PCNA: variants seen among roughly 807,000 people sequenced by gnomAD.
The protein encoded by PCNA is proliferating cell nuclear antigen.
Under a neutral mutation model 27.8 loss-of-function variants are expected in PCNA, and 4 were observed. That is an observed-to-expected ratio of 0.14 (90% CI 0.07 to 0.33). The LOEUF is 0.33. PCNA is among the 10% of genes least tolerant of loss of function. The probability of loss-of-function intolerance (pLI) is 1.00; values close to 1 mark genes in which losing one functional copy is unlikely to be tolerated. For synonymous variants in PCNA, 121 were observed against 119.4 expected, an observed-to-expected ratio of 1.01 and a Z score of -0.09; for missense variants, 165 against 327.4, an observed-to-expected ratio of 0.50 and a Z score of 3.83.
chr20:5,115,590 C>A lies in PCNA; in HGVS notation c.583-18G>T, dbSNP rs772334886. 2 of 1,605,892 alleles carry A rather than the reference C, an allele frequency of 1.2e-6. No homozygotes were observed. Among genetic ancestry groups the A allele is most frequent in the South Asian group, 2.2e-5 (2 of 89,916 alleles). On this transcript the variant is annotated intron_variant, in intron 4 of 5. Transcript: ENST00000379143. The stretch of plus-strand genomic sequence containing the variant: ...ATGGTAACCTACAAAACAAAAGATT[C>A]ATCATTGAAAAACATCAAGAAAGTT...
chr20:5,125,645 A>G (rs891916620), intron 1 of PCNA, among the ~76,000 whole-genome samples: 7 of 152,196 alleles, frequency 4.6e-5, no homozygotes, highest in Non-Finnish European at 2.9e-5. Context: ...AGTGAATAGA[A>G]AGAACAGGAA....
intron 3 of PCNA, among the ~76,000 whole-genome samples, chr20:5,118,246 T>A (rs1430539931): frequency 6.6e-6 from 1 of 152,208 alleles, no homozygotes; most frequent in Non-Finnish European, 1.5e-5. Flanking sequence ...TAGATATATT[T>A]CTAGAAAAAG....
intron 3 of PCNA, among the ~76,000 whole-genome samples, chr20:5,117,882 C>T (rs557843091): frequency 1.3e-5 from 2 of 152,344 alleles, no homozygotes; most frequent in African/African-American, 4.8e-5. Context: ...TCCTCATCCT[C>T]CAGGGATAAA....
chr20:5,116,115 A>AACATTTAT (rs2090473103), intron 4 of PCNA, among the ~76,000 whole-genome samples: 3 of 152,208 alleles, frequency 2.0e-5, no homozygotes, highest in African/African-American at 7.2e-5. Context: ...GGAAAACTTA[A>AACATTTAT]TAAATGATCT....
At chr20:5,124,724 C>A (rs966691472), upstream of PCNA, among the ~76,000 whole-genome samples, 2 of 152,152 alleles carry the variant, frequency 1.3e-5, no homozygotes, top group Non-Finnish European at 2.9e-5. Context: ...ATTAGCATCA[C>A]TTCCACCAGA....
chr20:5,119,850 C>G lies in PCNA; in HGVS notation c.-52G>C. ...ACAGGCAGGCGGGAAGGAGGAAAGT[C>G]TAGCTGGTTTCGGCTTCAGGAGCCT... On this transcript the variant is annotated 5_prime_UTR_variant, in exon 1 of 6. Coordinates refer to ENST00000379143, the MANE Select transcript of PCNA (RefSeq NM_182649.2). The G allele has an allele frequency of 1.4e-6, 2 of 1,450,502 alleles. No individual in the cohort carries two copies. Among genetic ancestry groups the G allele is most frequent in the Admixed American group, 3.9e-5 (2 of 50,752 alleles). 89.9% of individuals were successfully genotyped at this position (1,450,502 alleles called of 1,614,324 possible).
intron 4 of PCNA, 152 bp downstream of exon 4, chr20:5,117,318 A>G: frequency 1.6e-6 from 1 of 621,680 alleles, no homozygotes; most frequent in South Asian, 2.1e-5. Flanking sequence ...ATTGGATGAC[A>G]CTTATAAATC....
chr20:5,125,573 A>G (rs551535291), intron 1 of PCNA, among the ~76,000 whole-genome samples: 53 of 152,296 alleles, frequency 3.5e-4, no homozygotes, highest in Middle Eastern at 3.4e-3. Context: ...TCTCATTGTG[A>G]GATTACAGTA....
At position 5,119,842 on chromosome 20, in the gene PCNA, A is replaced by T. The variant is rs1223912047; in HGVS notation, c.-44T>A. 1 of 1,473,972 alleles carries T rather than the reference A, an allele frequency of 6.8e-7. No individual in the cohort carries two copies. The highest frequency in any genetic ancestry group is 2.5e-5 in the East Asian group (1 of 40,600). The allele number at this position is 1,473,972 out of a possible 1,614,324, so 91.3% of individuals were successfully genotyped here. On this transcript the variant is annotated 5_prime_UTR_variant, in exon 1 of 6. Coordinates refer to ENST00000379143, the MANE Select transcript of PCNA (RefSeq NM_182649.2). ...ACGCCGCTACAGGCAGGCGGGAAGG[A>T]GGAAAGTCTAGCTGGTTTCGGCTTC...
chr20:5,118,824 A>G lies in PCNA; in HGVS notation c.264T>C (p.Ile88=). The G allele has an allele frequency of 6.2e-7, 1 of 1,613,932 alleles. No individual in the cohort carries two copies. Among genetic ancestry groups the G allele is most frequent in the Non-Finnish European group, 8.5e-7 (1 of 1,179,828 alleles). The change falls in exon 2 of 6, where the codon ATT becomes ATC. Residue 88 remains isoleucine (I), a synonymous_variant. Coordinates refer to ENST00000379143, the MANE Select transcript of PCNA (RefSeq NM_182649.2). ...ILKCAGNEDI[I]TLRAEDNADT... is the part of the protein sequence containing the mutation. ...CCGCGTTATCTTCGGCCCTTAGTGT[A>G]ATGATATCTTCATTGCCGGCGCATT...
At chr20:5,119,531 G>T in intron 1 of PCNA, 47 bp downstream of exon 1, 2 of 1,487,740 alleles carry the variant, frequency 1.3e-6, no homozygotes, top group Non-Finnish European at 1.9e-6. Context: ...CCAAGCACCG[G>T]AGGTGCAGGC....
At chr20:5,118,157 A>C (rs577720316) in intron 3 of PCNA, among the ~76,000 whole-genome samples, 4 of 152,260 alleles carry the variant, frequency 2.6e-5, no homozygotes, top group African/African-American at 9.6e-5. Context: ...GCAGTAAACA[A>C]TAAATTTAAC....
upstream of PCNA, among the ~76,000 whole-genome samples, chr20:5,122,723 A>T (rs1330298843): frequency 1.3e-5 from 2 of 152,224 alleles, no homozygotes; most frequent in African/African-American, 4.8e-5. Context: ...CATTTGCTTC[A>T]CTAAAAACAA....
At chr20:5,124,633 A>C (rs1003729061), upstream of PCNA, among the ~76,000 whole-genome samples, 3 of 152,062 alleles carry the variant, frequency 2.0e-5, no homozygotes, top group African/African-American at 7.2e-5. Context: ...TGTCTAAAAA[A>C]AAAAAACAAA....
rs2090468507 is a variant in PCNA at position 5,115,478 on chromosome 20, G to A, written c.677C>T (p.Thr226Ile). The A allele has an allele frequency of 6.2e-7, 1 of 1,614,040 alleles. No homozygotes were observed. Among genetic ancestry groups the A allele is most frequent in the Admixed American group, 1.7e-5 (1 of 60,030 alleles). The change falls in exon 5 of 6, where the codon ACA becomes ATA. Residue 226 changes from threonine to isoleucine, a missense_variant. Physicochemically the swap from Thr to Ile is moderately conservative, Grantham distance 89. Transcript: ENST00000379143. ...TKATPLSSTV[T>I]LSMSADVPLV... ...GGGTACATCTGCAGACATACTGAGT[G>A]TCACCGTTGAAGAGAGTGGAGTGGC...
rs147737215 is a variant in PCNA at position 5,115,343 on chromosome 20, C to T, written c.726G>A (p.Ala242=). The T allele has an allele frequency of 4.4e-4, 706 of 1,613,786 alleles. 1 individual carries two copies. Among genetic ancestry groups the T allele is most frequent in the African/African-American group, 3.4e-3 (257 of 75,004 alleles). The part of the protein sequence containing the change: ...DVPLVVEYKI[A]DMGHLKYYLA... ...AGTAGTATTTTAAGTGTCCCATATC[C>T]GCAATTTTATACTCTACAACTGAAA... Residue 242 remains alanine (A), a synonymous_variant, in exon 6 of 6, where the codon GCG becomes GCA. Coordinates refer to ENST00000379143, the MANE Select transcript of PCNA (RefSeq NM_182649.2).
intron 1 of PCNA, among the ~76,000 whole-genome samples, chr20:5,126,193 A>T (rs1240249902): frequency 6.7e-6 from 1 of 148,548 alleles, no homozygotes; most frequent in Admixed American, 6.7e-5. Flanking sequence ...ACAGAGCGAG[A>T]CTCCGTCACA....
At chr20:5,122,117 G>C (rs2090522427), upstream of PCNA, among the ~76,000 whole-genome samples, 1 of 152,016 alleles carries the variant, frequency 6.6e-6, no homozygotes, top group Admixed American at 6.6e-5. Context: ...GAATAGCTAG[G>C]ATTACAGGCA....
Position 5,117,456 on chromosome 20 carries a change from T to G in PCNA, c.582+14A>C, listed in dbSNP as rs201885441. 1.4e-5 allele frequency: 22 copies of G among 1,583,532 alleles called. No individual in the cohort carries two copies. The African/African-American group carries it at 2.8e-4, about 20-fold the overall frequency. On this transcript the variant is annotated intron_variant, in intron 4 of 5. Coordinates refer to ENST00000379143, the MANE Select transcript of PCNA (RefSeq NM_182649.2). ...CTCTTCAAACTATTTTCTTTTTACT[T>G]AAAAACTACTTACAGCTTCCTCCTC...
Sources: gnomAD v4.1 joint callset for allele counts (sites outside exome capture counted in the v4.1 genomes callset) on GRCh38, gnomAD v4.1.1 for gene constraint, MANE v1.5 for transcripts, NCBI Gene and HGNC (gene_info 2026-07-23, HGNC 2026-07-21) for gene names.